The following PHACTR1 variants were observed in gnomAD, a reference collection of about 807,000 sequenced individuals.
PHACTR1 encodes phosphatase and actin regulator 1.
PHACTR1 carries 16 observed loss-of-function variants against 69.2 expected under a neutral mutation model. The observed-to-expected ratio is 0.23, with a 90% CI of 0.16 to 0.35. The LOEUF (loss-of-function observed/expected upper bound fraction) is 0.35, where lower values mean the gene tolerates loss of function less well. Among genes scored for constraint, PHACTR1 ranks in the 10% least tolerant of loss-of-function variants. PHACTR1 has a pLI of 1.00. For synonymous variants in PHACTR1, 312 were observed against 284.5 expected (o/e 1.10, Z -0.97); for missense variants, 510 against 734.7 (o/e 0.69, Z 3.54).
intron 4 of PHACTR1, among the ~76,000 whole-genome samples, chr6:12,872,861 C>G (rs1028477133): frequency 6.6e-6 from 1 of 152,138 alleles, no homozygotes; most frequent in African/African-American, 2.4e-5. Context: ...CCATTTTTCT[C>G]TTTATTTCTA....
chr6:13,220,822 T>A (rs941366893), intron 8 of PHACTR1, among the ~76,000 whole-genome samples: 2 of 152,142 alleles, frequency 1.3e-5, no homozygotes, highest in Non-Finnish European at 2.9e-5. Flanking sequence ...TCTGATTGTG[T>A]GTGACTTCAA....
chr6:12,879,794 T>C (rs776707946), intron 4 of PHACTR1, among the ~76,000 whole-genome samples: 1 of 152,220 alleles, frequency 6.6e-6, no homozygotes, highest in African/African-American at 2.4e-5. Flanking sequence ...CTAGACAGTT[T>C]GACTTCATAA....
At chr6:13,145,880 G>A (rs1823272451) in intron 5 of PHACTR1, among the ~76,000 whole-genome samples, 1 of 152,178 alleles carries the variant, frequency 6.6e-6, no homozygotes, top group African/African-American at 2.4e-5. Flanking sequence ...AGCCCTTGCA[G>A]ACTAATATAT....
chr6:12,888,269 C>T (rs189750660), intron 4 of PHACTR1, among the ~76,000 whole-genome samples: 251 of 152,196 alleles, frequency 1.6e-3, no homozygotes, highest in Non-Finnish European at 2.6e-3. Context: ...CCTTCTACGA[C>T]ATGAGCATGC....
chr6:13,171,858 C>T lies in PHACTR1; in HGVS notation c.497-10661C>T, dbSNP rs186818081. ...CTCGGCTCACTGCAACCTCTGCCTC[C>T]GGGGTTCAAGTGATTCTCCTGCCTC... On this transcript the variant is annotated intron_variant, in intron 6 of 14. Transcript: ENST00000332995. Among the ~76,000 whole-genome samples, 29 of 152,286 alleles carry T rather than the reference C, an allele frequency of 1.9e-4. 1 individual carries two copies. The highest frequency in any genetic ancestry group is 6.8e-3 in the Middle Eastern group (2 of 294).
intron 4 of PHACTR1, among the ~76,000 whole-genome samples, chr6:12,923,781 A>G (rs780318501): frequency 1.3e-5 from 2 of 152,240 alleles, no homozygotes; most frequent in East Asian, 3.8e-4. Context: ...GTCAGGTAAC[A>G]TTAGACACGA....
intron 3 of PHACTR1, among the ~76,000 whole-genome samples, chr6:12,724,108 G>A (rs532019546): frequency 1.5e-4 from 23 of 152,098 alleles, no homozygotes; most frequent in South Asian, 4.2e-4. Flanking sequence ...CAGGCAGATC[G>A]CCTGAGGTCA....
At chr6:12,940,631 C>T (rs543603234) in intron 4 of PHACTR1, among the ~76,000 whole-genome samples, 1 of 152,322 alleles carries the variant, frequency 6.6e-6, no homozygotes, top group African/African-American at 2.4e-5. Flanking sequence ...ATTCTCGCCT[C>T]TGTGTGTCAT....
chr6:12,858,291 G>A (rs945918476), intron 4 of PHACTR1, among the ~76,000 whole-genome samples: 1 of 152,094 alleles, frequency 6.6e-6, no homozygotes, highest in African/African-American at 2.4e-5. Context: ...GCTTGCGGAG[G>A]CTGACGCTTG....
chr6:13,157,430 G>A (rs565851589), intron 5 of PHACTR1, among the ~76,000 whole-genome samples: 5 of 152,316 alleles, frequency 3.3e-5, no homozygotes, highest in East Asian at 3.9e-4. Flanking sequence ...CTATCACGGC[G>A]ATGGCTGTCT....
rs944972775 is a variant in PHACTR1, at chr6:12,801,001, A to G, written c.250+51211A>G. Among the ~76,000 whole-genome samples, 20 of 152,236 alleles carry G rather than the reference A, an allele frequency of 1.3e-4. 1 individual carries two copies. Among genetic ancestry groups the G allele is most frequent in the Admixed American group, 2.6e-4 (4 of 15,284 alleles). ...TGAGTTTAATAATTTTTTAAATAAC[A>G]TGAAGTTATTGGGAAAACAGTACAG... On this transcript the variant is annotated intron_variant, in intron 4 of 14. Coordinates refer to ENST00000332995, the MANE Select transcript of PHACTR1 (RefSeq NM_030948.6).
Position 13,252,966 on chromosome 6 carries a change from T to C in PHACTR1, c.1392-19894T>C, listed in dbSNP as rs977024598. The C allele has an allele frequency of 7.2e-6, 3 of 417,860 alleles. No individual in the cohort carries two copies. In the Admixed American group the frequency reaches 7.2e-5, roughly 10 times the overall value. 25.9% of individuals were successfully genotyped at this position (417,860 alleles called of 1,614,324 possible). A position where few individuals can be genotyped will look rare whatever the true frequency, so the allele number is the denominator to read the frequency against. ...TTCGTTTCCAGGTTTCTAAATAGCATGAGATCTCATCTGAACTTGAGTTGT... is the reference window on the plus strand; with the variant it reads ...TTCGTTTCCAGGTTTCTAAATAGCACGAGATCTCATCTGAACTTGAGTTGT... On this transcript the variant is annotated intron_variant, in intron 10 of 14. Transcript: ENST00000332995.
intron 4 of PHACTR1, among the ~76,000 whole-genome samples, chr6:12,777,120 G>T (rs1378101636): frequency 1.3e-5 from 2 of 152,126 alleles, no homozygotes; most frequent in East Asian, 3.9e-4. Flanking sequence ...GAAGAATTGG[G>T]TAATACGCAA....
chr6:12,768,109 CTT>C (rs781107897), intron 4 of PHACTR1, among the ~76,000 whole-genome samples: 8 of 107,584 alleles, frequency 7.4e-5, no homozygotes, highest in Non-Finnish European at 9.2e-5. Flanking sequence ...CTATCAAATC[CTT>C]TTTTTTTTTT....
chr6:12,717,775 G>T (rs951231732), intron 2 of PHACTR1, 32 bp downstream of exon 2: 1 of 152,022 alleles, frequency 6.6e-6, no homozygotes, highest in Non-Finnish European at 1.5e-5. Context: ...GTACCTTTGG[G>T]TATTTTTAAA....
intron 4 of PHACTR1, among the ~76,000 whole-genome samples, chr6:12,969,423 C>G (rs1793899938): frequency 6.6e-6 from 1 of 152,244 alleles, no homozygotes; most frequent in Non-Finnish European, 1.5e-5. Context: ...ATCTAGCAAC[C>G]TGTCTTGTAT....
chr6:12,921,074 G>C (rs774820683), intron 4 of PHACTR1, among the ~76,000 whole-genome samples: 8 of 152,124 alleles, frequency 5.3e-5, no homozygotes, highest in Non-Finnish European at 1.2e-4. Context: ...AGACACTTAG[G>C]GTGCAGACTT....
intron 4 of PHACTR1, among the ~76,000 whole-genome samples, chr6:12,922,978 A>G (rs1787882445): frequency 6.6e-6 from 1 of 152,244 alleles, no homozygotes; most frequent in African/African-American, 2.4e-5. Flanking sequence ...GTAAATACTT[A>G]CTGAATGTTT....
At chr6:13,122,238 G>T (rs1193788788) in intron 5 of PHACTR1, among the ~76,000 whole-genome samples, 1 of 152,162 alleles carries the variant, frequency 6.6e-6, no homozygotes, top group African/African-American at 2.4e-5. Context: ...AGGACTTTGT[G>T]TTTTACATCT....
Sources: gnomAD v4.1 joint callset for allele counts (sites outside exome capture counted in the v4.1 genomes callset) on GRCh38, gnomAD v4.1.1 for gene constraint, MANE v1.5 for transcripts, NCBI Gene and HGNC (gene_info 2026-07-23, HGNC 2026-07-21) for gene names.